GABBR2: variants seen among roughly 807,000 people sequenced by gnomAD.
GABBR2 encodes gamma-aminobutyric acid type B receptor subunit 2.
In GABBR2, 23 loss-of-function variants were observed where a neutral mutation model predicts 105.6. That is an observed-to-expected ratio of 0.22 (90% confidence interval 0.16 to 0.31). The LOEUF is 0.31. GABBR2 is among the 10% of genes least tolerant of loss of function. The probability of loss-of-function intolerance (pLI) is 1.00; values close to 1 mark genes in which losing one functional copy is unlikely to be tolerated. For missense variants in GABBR2, 734 were observed against 1,245.5 expected (o/e 0.59, Z 6.18); for synonymous variants, 478 against 499.7 (o/e 0.96, Z 0.58).
intron 6 of GABBR2, among the ~76,000 whole-genome samples, chr9:98,465,121 TAAAAAAAAAAAAAAA>T (rs57747633): frequency 2.3e-4 from 5 of 21,980 alleles, no homozygotes; most frequent in African/African-American, 4.3e-4. Context: ...CAATAAATAC[TAAAAAAAAAAAAAAA>T]AAAAAAAAAA....
At chr9:98,589,172 T>C (rs939370465) in intron 1 of GABBR2, among the ~76,000 whole-genome samples, 2 of 152,136 alleles carry the variant, frequency 1.3e-5, no homozygotes, top group African/African-American at 4.8e-5. Flanking sequence ...CAGCTGGAAC[T>C]TTCTTAGAGC....
chr9:98,293,742 G>C (rs373048752), intron 18 of GABBR2, 43 bp downstream of exon 18: 3 of 1,061,598 alleles, frequency 2.8e-6, no homozygotes, highest in African/African-American at 1.6e-5. Context: ...CAGGAGTGAC[G>C]TATTTCTTCT....
chr9:98,360,730 A>G (rs1463533789), intron 13 of GABBR2, among the ~76,000 whole-genome samples: 1 of 152,216 alleles, frequency 6.6e-6, no homozygotes, highest in Non-Finnish European at 1.5e-5. Context: ...TAGACACATC[A>G]GACTGCACAG....
chr9:98,298,588 T>C (rs1290277591), intron 17 of GABBR2, among the ~76,000 whole-genome samples: 1 of 152,238 alleles, frequency 6.6e-6, no homozygotes, highest in East Asian at 1.9e-4. Context: ...AAAATTTTTT[T>C]TCTAAAAGGT....
At chr9:98,557,906 T>C (rs1370117863) in intron 2 of GABBR2, among the ~76,000 whole-genome samples, 1 of 152,202 alleles carries the variant, frequency 6.6e-6, no homozygotes, top group Non-Finnish European at 1.5e-5. Flanking sequence ...ACGTCAGGGA[T>C]ACATGGGATT....
chr9:98,357,691 A>C (rs879542180), intron 13 of GABBR2, among the ~76,000 whole-genome samples: 9 of 151,810 alleles, frequency 5.9e-5, no homozygotes, highest in African/African-American at 1.7e-4. Flanking sequence ...CAAAAAAAAA[A>C]ACCCCACATC....
At chr9:98,484,073 G>A (rs553636753) in intron 4 of GABBR2, among the ~76,000 whole-genome samples, 1 of 152,200 alleles carries the variant, frequency 6.6e-6, no homozygotes, top group Non-Finnish European at 1.5e-5. Flanking sequence ...ACTAATATCT[G>A]ACCAACCCCA....
chr9:98,600,057 T>G (rs1055224693), intron 1 of GABBR2, among the ~76,000 whole-genome samples: 1 of 152,124 alleles, frequency 6.6e-6, no homozygotes, highest in Non-Finnish European at 1.5e-5. Flanking sequence ...GGAGGCAGCT[T>G]ATCCTACTCT....
intron 1 of GABBR2, among the ~76,000 whole-genome samples, chr9:98,650,617 T>G (rs1437795438): frequency 6.6e-6 from 1 of 152,032 alleles, no homozygotes; most frequent in Admixed American, 6.6e-5. Flanking sequence ...AAAAGATGCT[T>G]AAGGGAGATT....
intron 13 of GABBR2, among the ~76,000 whole-genome samples, chr9:98,333,057 A>C (rs1173568612): frequency 6.6e-6 from 1 of 152,182 alleles, no homozygotes; most frequent in Non-Finnish European, 1.5e-5. Context: ...CCCAGTGGCA[A>C]CGAGTCAGAC....
At chr9:98,576,979 G>T (rs1240872072) in intron 2 of GABBR2, among the ~76,000 whole-genome samples, 1 of 133,938 alleles carries the variant, frequency 7.5e-6, no homozygotes, top group Non-Finnish European at 1.7e-5. Flanking sequence ...TGGATGTATG[G>T]ATGGATGGAT....
intron 2 of GABBR2, among the ~76,000 whole-genome samples, chr9:98,572,921 A>G (rs906392144): frequency 6.6e-6 from 1 of 152,160 alleles, no homozygotes; most frequent in Non-Finnish European, 1.5e-5. Flanking sequence ...AGTGTCTAGT[A>G]GTGAATGCTA....
chr9:98,631,684 T>C (rs1294639776), intron 1 of GABBR2, among the ~76,000 whole-genome samples: 3 of 152,200 alleles, frequency 2.0e-5, no homozygotes, highest in African/African-American at 7.2e-5. Flanking sequence ...CTCATCTCCC[T>C]CCCAAATACA....
chr9:98,674,152 C>T (rs1385625955), intron 1 of GABBR2, among the ~76,000 whole-genome samples: 1 of 152,112 alleles, frequency 6.6e-6, no homozygotes, highest in African/African-American at 2.4e-5. Flanking sequence ...ACTCCACTGC[C>T]CAGGATGGTG....
intron 13 of GABBR2, among the ~76,000 whole-genome samples, chr9:98,342,735 G>C (rs1315073465): frequency 1.3e-5 from 2 of 152,206 alleles, no homozygotes; most frequent in East Asian, 3.9e-4. Context: ...CCATCACTTG[G>C]AGTGTGACCC....
chr9:98,340,653 T>G (rs1588111487), intron 13 of GABBR2, among the ~76,000 whole-genome samples: 1 of 152,154 alleles, frequency 6.6e-6, no homozygotes, highest in Admixed American at 6.5e-5. Flanking sequence ...ATCTTGCTCA[T>G]CAGACATGCA....
intron 7 of GABBR2, among the ~76,000 whole-genome samples, chr9:98,415,651 T>C (rs1343041967): frequency 6.6e-6 from 1 of 152,316 alleles, no homozygotes; most frequent in South Asian, 2.1e-4. Context: ...AAGATTTTTT[T>C]CCCCTGGGGT....
chr9:98,683,394 C>T (rs980629255), intron 1 of GABBR2, among the ~76,000 whole-genome samples: 21 of 152,216 alleles, frequency 1.4e-4, no homozygotes, highest in African/African-American at 4.6e-4. Context: ...TGAGCCATTG[C>T]GCCCGGCCCA....
chr9:98,663,337 G>T (rs1316436643), intron 1 of GABBR2, among the ~76,000 whole-genome samples: 3 of 152,160 alleles, frequency 2.0e-5, no homozygotes, highest in African/African-American at 7.2e-5. Context: ...CTTCTCTGCA[G>T]ACCGGGGATG....
Sources: allele counts gnomAD v4.1 joint callset (sites outside exome capture counted in the v4.1 genomes callset), GRCh38; gene constraint gnomAD v4.1.1; transcripts MANE v1.5; gene names NCBI Gene and HGNC (gene_info 2026-07-23, HGNC 2026-07-21).